The following SVOPL variants were observed in gnomAD, a reference collection of about 807,000 sequenced individuals.
The protein encoded by SVOPL is putative transporter SVOPL.
SVOPL carries 60 observed loss-of-function variants against 61.0 expected under a neutral mutation model. The observed-to-expected ratio is 0.98, with a 90% CI of 0.80 to 1.22. SVOPL has a LOEUF of 1.22. SVOPL is among the 50% of genes most tolerant of loss of function. The pLI, the probability that SVOPL is intolerant of heterozygous loss-of-function variation, is 0.00. For missense variants in SVOPL, 662 were observed against 643.9 expected, an observed-to-expected ratio of 1.03 and a Z score of -0.30; for synonymous variants, 279 against 250.0, an observed-to-expected ratio of 1.12 and a Z score of -1.09.
At chr7:138,656,645 T>A in intron 6 of SVOPL, 134 bp from the exon 7 acceptor site, 1 of 882,310 alleles carries the variant, frequency 1.1e-6, no homozygotes, top group Non-Finnish European at 1.7e-6. Context: ...AGAAGAGAAT[T>A]ATGACAGCTA....
At chr7:138,642,853 A>C (rs1341750881) in intron 9 of SVOPL, among the ~76,000 whole-genome samples, 1 of 131,358 alleles carries the variant, frequency 7.6e-6, no homozygotes, top group East Asian at 2.3e-4. Context: ...AAAAAAAAGA[A>C]GAAACAAAAT....
At chr7:138,656,333 A>ACCAG in intron 7 of SVOPL, 115 bp downstream of exon 7, 1 of 1,013,346 alleles carries the variant, frequency 9.9e-7, no homozygotes, top group Non-Finnish European at 1.5e-6. Context: ...TTATTCTGAT[A>ACCAG]CTCGCTTAAT....
chr7:138,697,605 C>T (rs1803090388), intron 1 of SVOPL, among the ~76,000 whole-genome samples: 1 of 102,692 alleles, frequency 9.7e-6, no homozygotes, highest in Admixed American at 1.2e-4. Context: ...GAGGCAGACC[C>T]TGCCTCAAAA....
At chr7:138,672,190 A>AT in intron 3 of SVOPL, 73 bp from the exon 4 acceptor site, 1 of 1,387,364 alleles carries the variant, frequency 7.2e-7, no homozygotes, top group Non-Finnish European at 1.0e-6. Flanking sequence ...CTGCCTGCCC[A>AT]TCATCCTACC....
At chr7:138,601,851 GCTCT>G (rs899980408) in intron 14 of SVOPL, among the ~76,000 whole-genome samples, 4 of 150,342 alleles carry the variant, frequency 2.7e-5, no homozygotes, top group East Asian at 1.9e-4. Context: ...TATTGTAGAA[GCTCT>G]CTCTAACCAC....
At chr7:138,616,461 C>T (rs1238718151) in intron 14 of SVOPL, among the ~76,000 whole-genome samples, 2 of 152,054 alleles carry the variant, frequency 1.3e-5, no homozygotes, top group African/African-American at 2.4e-5. Flanking sequence ...CTGAGCCTCC[C>T]GAATAGCTGG....
chr7:138,605,433 A>C (rs1255485805), intron 14 of SVOPL, among the ~76,000 whole-genome samples: 1 of 152,038 alleles, frequency 6.6e-6, no homozygotes, highest in African/African-American at 2.4e-5. Context: ...AGGCCGAGGC[A>C]GATGGATCAC....
At chr7:138,687,152 T>C (rs564838200) in intron 1 of SVOPL, among the ~76,000 whole-genome samples, 13 of 151,348 alleles carry the variant, frequency 8.6e-5, no homozygotes, top group African/African-American at 3.1e-4. Flanking sequence ...AAACTACTGC[T>C]CCCTTTTCAG....
At chr7:138,641,926 T>TAC (rs34233604) in intron 9 of SVOPL, among the ~76,000 whole-genome samples, 161 of 146,042 alleles carry the variant, frequency 1.1e-3, no homozygotes, top group African/African-American at 2.6e-3. Flanking sequence ...TGTATGTGTA[T>TAC]ACACACACAC....
At chr7:138,619,820 G>C (rs959999692) in intron 14 of SVOPL, among the ~76,000 whole-genome samples, 1 of 152,138 alleles carries the variant, frequency 6.6e-6, no homozygotes, top group Non-Finnish European at 1.5e-5. Flanking sequence ...TCTCTATCTC[G>C]GGATTCAGAG....
intron 6 of SVOPL, among the ~76,000 whole-genome samples, chr7:138,659,290 G>A (rs1201904007): frequency 3.3e-5 from 5 of 152,062 alleles, no homozygotes; most frequent in African/African-American, 9.7e-5. Flanking sequence ...TCAAGAGTTC[G>A]AGACTAGCCT....
At chr7:138,610,194 G>A (rs537967189) in intron 14 of SVOPL, among the ~76,000 whole-genome samples, 3 of 152,002 alleles carry the variant, frequency 2.0e-5, no homozygotes, top group Non-Finnish European at 2.9e-5. Context: ...TACAACATAC[G>A]AACAAAAGAT....
rs1584801240 is a variant in SVOPL at position 138,628,459 on chromosome 7, A to G, written c.864-96T>C. ...CCAAGTGGAACGTGTAGCATGTGGA[A>G]AGCAAAGAGAGCAGAAAGCCAGGCT... is the stretch of plus-strand genomic sequence containing the variant. On this transcript the variant is annotated intron_variant, in intron 10 of 15. Transcript: ENST00000674285. 7 of 1,280,972 alleles carry G rather than the reference A, an allele frequency of 5.5e-6. No homozygotes were observed. In the East Asian group the frequency reaches 1.7e-4, roughly 31 times the overall value. The allele number at this position is 1,280,972 out of a possible 1,614,324, so 79.4% of individuals were successfully genotyped here. A position where few individuals can be genotyped will look rare whatever the true frequency, so the allele number is the denominator to read the frequency against.
chr7:138,602,527 A>G (rs1315757252), intron 14 of SVOPL, among the ~76,000 whole-genome samples: 3 of 151,794 alleles, frequency 2.0e-5, no homozygotes, highest in Non-Finnish European at 4.4e-5. Flanking sequence ...ATTCACACAG[A>G]TGTAGCTATA....
rs1449349313 is a variant in SVOPL at position 138,644,850 on chromosome 7, G to C, written c.661-5C>G. On this transcript the variant is annotated splice_region_variant and splice_polypyrimidine_tract_variant and intron_variant, in intron 8 of 15. Transcript: ENST00000674285. Reference sequence around the variant, plus strand: ...CCGGGCAGATTCAGGAATAAACTGGGTAGAGATTACAAAGAACATCAGAGT... The same window carrying C: ...CCGGGCAGATTCAGGAATAAACTGGCTAGAGATTACAAAGAACATCAGAGT... The C allele has an allele frequency of 3.1e-6, 5 of 1,614,036 alleles. No homozygotes were observed. The African/African-American group carries it at 4.0e-5, about 13-fold the overall frequency.
rs1256014589 is a variant in SVOPL, at chr7:138,644,763, A to T, written c.743T>A (p.Met248Lys). 2.5e-6 allele frequency: 4 copies of T among 1,614,172 alleles called. No homozygotes were observed. The highest frequency in any genetic ancestry group is 3.4e-6 in the Non-Finnish European group (4 of 1,180,024). Residue 248 changes from methionine to lysine, a missense_variant, in exon 9 of 16, where the codon ATG (methionine) becomes AAG (lysine). By Grantham distance (95) the Met-to-Lys change is moderately conservative. Coordinates refer to ENST00000674285, the MANE Select transcript of SVOPL (RefSeq NM_001139456.2). ...ALATLERVAK[M>K]NRSVMPEGKL... ...CCCCTCCGGCATGACCGAGCGGTTC[A>T]TCTTGGCAACGCGCTCCAGAGTGGC...
At position 138,643,422 on chromosome 7, in the gene SVOPL, CAAAAAAAAA is replaced by C. The variant is rs36014220; in HGVS notation, c.789+1286_789+1294del. Among the ~76,000 whole-genome samples, 3 of 67,338 alleles carry C rather than the reference CAAAAAAAAA, an allele frequency of 4.5e-5. No individual in the cohort carries two copies. The Admixed American group carries it at 5.4e-4, about 12-fold the overall frequency. 44.2% of individuals were successfully genotyped at this position (67,338 alleles called of 152,430 possible). ...CCTGGGCAAGAGTGAGACTCCATCT[CAAAAAAAAA>C]AAAAAAAAAAAGAAAGTGAGGCCTT... On this transcript the variant is annotated intron_variant, in intron 9 of 15. Transcript: ENST00000674285.
At chr7:138,695,287 G>A (rs1012624888) in intron 1 of SVOPL, among the ~76,000 whole-genome samples, 6 of 152,076 alleles carry the variant, frequency 3.9e-5, no homozygotes, top group Admixed American at 1.3e-4. Flanking sequence ...CGAGGTGGGC[G>A]GATTGCTTGA....
At chr7:138,657,285 G>A (rs1021523061) in intron 6 of SVOPL, among the ~76,000 whole-genome samples, 5 of 151,964 alleles carry the variant, frequency 3.3e-5, no homozygotes, top group African/African-American at 4.8e-5. Flanking sequence ...CCTCCCAAGT[G>A]GCTGGGATTA....
Sources: gnomAD v4.1 joint callset for allele counts (sites outside exome capture counted in the v4.1 genomes callset) on GRCh38, gnomAD v4.1.1 for gene constraint, MANE v1.5 for transcripts, NCBI Gene and HGNC (gene_info 2026-07-23, HGNC 2026-07-21) for gene names.